The following RRAGB variants were observed in gnomAD, a reference collection of about 807,000 sequenced individuals.
The protein encoded by RRAGB is ras-related GTP-binding protein B.
A neutral mutation model predicts 29.3 loss-of-function variants in RRAGB; 6 were observed. The observed-to-expected ratio is 0.21, with a 90% confidence interval of 0.11 to 0.40. The LOEUF (loss-of-function observed/expected upper bound fraction) is 0.40. RRAGB is among the 10% of genes least tolerant of loss of function. RRAGB has a pLI of 1.00. For synonymous variants in RRAGB, 101 were observed against 92.5 expected, an observed-to-expected ratio of 1.09 and a Z score of -0.53; for missense variants, 184 against 272.9, an observed-to-expected ratio of 0.67 and a Z score of 2.29.
intron 5 of RRAGB, among the ~76,000 whole-genome samples, chrX:55,736,163 A>G (rs1343353099): frequency 8.9e-6 from 1 of 112,186 alleles, no homozygotes; most frequent in Non-Finnish European, 1.9e-5. Flanking sequence ...CAAGACCAGG[A>G]AAGTTTTCCT....
chrX:55,723,415 T>A (rs368924327), intron 3 of RRAGB, among the ~76,000 whole-genome samples: 60 of 110,394 alleles, frequency 5.4e-4, no homozygotes, highest in African/African-American at 1.9e-3. Flanking sequence ...GTGCTGGGAT[T>A]ACAGGTGTGA....
At chrX:55,743,588 T>C (rs1204772000) in intron 5 of RRAGB, among the ~76,000 whole-genome samples, 1 of 112,900 alleles carries the variant, frequency 8.9e-6, no homozygotes, top group African/African-American at 3.2e-5. Context: ...CAGGTCATCC[T>C]ATCTACTTGG....
At chrX:55,722,764 T>A (rs1043312677) in intron 3 of RRAGB, among the ~76,000 whole-genome samples, 1 of 112,173 alleles carries the variant, frequency 8.9e-6, no homozygotes, top group Non-Finnish European at 1.9e-5. Context: ...TGGATACACA[T>A]AGATGATCTC....
chrX:55,741,383 A>G (rs1035545646), intron 5 of RRAGB, among the ~76,000 whole-genome samples: 3 of 112,127 alleles, frequency 2.7e-5, no homozygotes, highest in Non-Finnish European at 5.6e-5. Context: ...AAATCGCTCA[A>G]ATTTGCTTTT....
At chrX:55,754,948 C>A in intron 7 of RRAGB, 1 of 246,156 alleles carries the variant, frequency 4.1e-6, no homozygotes, top group Non-Finnish European at 5.7e-6. Flanking sequence ...CGTGGCAGGA[C>A]CGAAACCTGC....
intron 3 of RRAGB, among the ~76,000 whole-genome samples, chrX:55,723,466 A>G (rs1179833574): frequency 9.9e-6 from 1 of 100,639 alleles, no homozygotes; most frequent in Middle Eastern, 5.3e-3. Flanking sequence ...TTTTTCTGTT[A>G]GCTTGTTCTC....
intron 1 of RRAGB, 121 bp downstream of exon 1, chrX:55,718,540 G>A (rs2033141734): frequency 8.7e-6 from 4 of 458,961 alleles, no homozygotes; most frequent in Non-Finnish European, 1.5e-5. Flanking sequence ...TACCAGTAAT[G>A]TTGATTGGGA....
chrX:55,752,519 G>A (rs2034552363), intron 6 of RRAGB, among the ~76,000 whole-genome samples: 1 of 112,037 alleles, frequency 8.9e-6, no homozygotes, highest in Non-Finnish European at 1.9e-5. Context: ...CATCAATGTT[G>A]CATAGAGCTA....
intron 5 of RRAGB, among the ~76,000 whole-genome samples, chrX:55,738,073 C>T (rs749927566): frequency 5.3e-5 from 6 of 112,765 alleles, no homozygotes; most frequent in African/African-American, 9.7e-5. Flanking sequence ...CTCCTCTGTC[C>T]GCAGATTATT....
At chrX:55,727,987 G>A (rs2033542440) in intron 3 of RRAGB, among the ~76,000 whole-genome samples, 1 of 110,392 alleles carries the variant, frequency 9.1e-6, no homozygotes, top group South Asian at 3.9e-4. Context: ...ATTTAGGCTG[G>A]CTCTTAAAAG....
intron 5 of RRAGB, among the ~76,000 whole-genome samples, chrX:55,749,170 C>T (rs1201855995): frequency 3.1e-5 from 3 of 95,800 alleles, no homozygotes; most frequent in East Asian, 3.7e-4. Context: ...CCAGCCGCCC[C>T]GTCCGGGAGG....
At chrX:55,729,220 G>A in intron 3 of RRAGB, 74 bp from the exon 4 acceptor site, 4 of 716,827 alleles carry the variant, frequency 5.6e-6, no homozygotes, top group Non-Finnish European at 8.7e-6. Flanking sequence ...TAAATTTCAT[G>A]GGTTAGTGCT....
At chrX:55,728,228 A>G (rs889653611) in intron 3 of RRAGB, among the ~76,000 whole-genome samples, 4 of 112,080 alleles carry the variant, frequency 3.6e-5, no homozygotes, top group African/African-American at 6.5e-5. Context: ...ACTACTGCTG[A>G]AAAACTTAAA....
chrX:55,755,212 T>G, intron 7 of RRAGB: 1 of 753,399 alleles, frequency 1.3e-6, no homozygotes, highest in Middle Eastern at 7.6e-4. Context: ...TTCTGGTGAG[T>G]GACTCAGTTT....
chrX:55,726,265 A>G (rs190264542), intron 3 of RRAGB, among the ~76,000 whole-genome samples: 47 of 112,257 alleles, frequency 4.2e-4, no homozygotes, highest in Admixed American at 1.3e-3. Context: ...ACGTGTAAAA[A>G]GCCTCTTTTC....
intron 6 of RRAGB, among the ~76,000 whole-genome samples, chrX:55,752,051 A>T (rs757141910): frequency 3.7e-5 from 4 of 108,539 alleles, no homozygotes; most frequent in Admixed American, 3.0e-4. Context: ...CAGAAACCTG[A>T]TGTGGCAAGG....
In RRAGB at chrX:55,755,894, A is replaced by G; in HGVS notation, c.789A>G (p.Lys263=). 1 of 1,207,234 alleles carries G rather than the reference A, an allele frequency of 8.3e-7. No individual in the cohort carries two copies. Among genetic ancestry groups the G allele is most frequent in the Non-Finnish European group, 1.1e-6 (1 of 891,388 alleles). The change falls in exon 8 of 10, where the codon AAA becomes AAG. Residue 263 remains lysine, a synonymous_variant. Coordinates refer to ENST00000374941, the MANE Select transcript of RRAGB (RefSeq NM_006064.5). ...AGCGTGATGCCCATAGATTTGAGAA[A>G]ATAAGCAACATTATTAAGCAGTTCA... is the stretch of plus-strand genomic sequence containing the variant. ...KEQRDAHRFE[K]ISNIIKQFKL...
chrX:55,731,975 C>T (rs5914432), intron 5 of RRAGB, among the ~76,000 whole-genome samples: 57,403 of 111,005 alleles, frequency 0.52, 12,875 homozygotes, highest in East Asian at 0.74. Context: ...AACTGGTATG[C>T]ACCAGTTCAA....
chrX:55,738,933 C>T (rs1057016816), intron 5 of RRAGB, among the ~76,000 whole-genome samples: 2 of 112,170 alleles, frequency 1.8e-5, no homozygotes, highest in South Asian at 7.5e-4. Flanking sequence ...AAGCAGTGGT[C>T]CCAGTGGGGC....
Sources: gnomAD v4.1 joint callset for allele counts (sites outside exome capture counted in the v4.1 genomes callset) on GRCh38, gnomAD v4.1.1 for gene constraint, MANE v1.5 for transcripts, NCBI Gene and HGNC (gene_info 2026-07-23, HGNC 2026-07-21) for gene names.